The following GLMN variants were observed in gnomAD, a reference collection of about 807,000 sequenced individuals.
GLMN encodes the protein glomulin.
A neutral mutation model predicts 87.8 loss-of-function variants in GLMN; 75 were observed. The ratio of observed to expected loss-of-function variants is 0.85; its 90% confidence interval spans 0.71 to 1.04. The LOEUF is 1.04. Ranked by LOEUF, GLMN falls within the 50% of genes least tolerant of loss-of-function variation. The pLI is 0.00. For synonymous variants in GLMN, 206 were observed against 221.6 expected (o/e 0.93, Z 0.63); for missense variants, 588 against 658.8 (o/e 0.89, Z 1.18).
chr1:92,247,156 GA>G lies in GLMN; in HGVS notation c.1586-13del. 2 of 1,304,418 alleles carry G rather than the reference GA, an allele frequency of 1.5e-6. No individual in the cohort carries two copies. The highest frequency in any genetic ancestry group is 2.2e-6 in the Non-Finnish European group (2 of 900,372). 80.8% of individuals were successfully genotyped at this position (1,304,418 alleles called of 1,614,324 possible). On this transcript the variant is annotated splice_polypyrimidine_tract_variant and intron_variant, in intron 17 of 18. Transcript: ENST00000370360. ...AGATTTCTGGGCCTCTGTAAGAGAA[GA>G]AAAATCATGTGTGACACTTAACTCT... is the stretch of plus-strand genomic sequence containing the variant.
chr1:92,336,051 C>G, the GLMN span, among the ~76,000 whole-genome samples: 1 of 152,204 alleles, frequency 6.6e-6, no homozygotes, highest in South Asian at 2.1e-4. Flanking sequence ...CCATCTTGGT[C>G]TAATATTTGA....
chr1:92,272,163 G>A lies in GLMN; in HGVS notation c.736-511C>T, dbSNP rs141335453. Among the ~76,000 whole-genome samples the A allele has an allele frequency of 1.1e-4, 16 of 152,272 alleles. No individual in the cohort carries two copies. The East Asian group carries it at 1.9e-3, about 18-fold the overall frequency. ...CTTAGAGGAAATGAATTCTGCCAGC[G>A]GAGGAAACCTGAAAGTGGATCTTTC... On this transcript the variant is annotated intron_variant, in intron 7 of 18. Coordinates refer to ENST00000370360, the MANE Select transcript of GLMN (RefSeq NM_053274.3).
the GLMN span, among the ~76,000 whole-genome samples, chr1:92,344,860 A>C: frequency 2.6e-5 from 4 of 152,030 alleles, no homozygotes; most frequent in Non-Finnish European, 5.9e-5. Flanking sequence ...GTCCATTTCA[A>C]ATTTCCTCCT....
At chr1:92,368,327 C>T in the GLMN span, among the ~76,000 whole-genome samples, 2 of 151,934 alleles carry the variant, frequency 1.3e-5, no homozygotes, top group South Asian at 2.1e-4. Flanking sequence ...TGCAGTGAGC[C>T]GAGATCGTGC....
the GLMN span, among the ~76,000 whole-genome samples, chr1:92,358,677 T>C: frequency 6.6e-6 from 1 of 152,018 alleles, no homozygotes; most frequent in Non-Finnish European, 1.5e-5. Context: ...AGCCTTAATC[T>C]CCTGAGTTCA....
In GLMN at chr1:92,292,586, C is replaced by CTT. The variant is rs1161512049; in HGVS notation, c.166-1051_166-1050dup. Among the ~76,000 whole-genome samples, 252 of 125,322 alleles carry CTT rather than the reference C, an allele frequency of 2.0e-3. 1 individual carries two copies. Among genetic ancestry groups the CTT allele is most frequent in the East Asian group, 0.012 (49 of 4,180 alleles). The allele number at this position is 125,322 out of a possible 152,430, so 82.2% of individuals were successfully genotyped here. A position where few individuals can be genotyped will look rare whatever the true frequency, so the allele number is the denominator to read the frequency against. ...CCACCATGCCTGGCTAATTTTTTGC[C>CTT]TTTTTTTTTTTTTTTTTTAGTAGAG... On this transcript the variant is annotated intron_variant, in intron 3 of 18. Transcript: ENST00000370360.
intron 6 of GLMN, among the ~76,000 whole-genome samples, chr1:92,288,039 T>G (rs969506589): frequency 5.3e-5 from 8 of 149,792 alleles, no homozygotes. Context: ...TTTTACTGTT[T>G]TTTTTTTTTA....
chr1:92,363,784 C>T, the GLMN span: 20 of 289,232 alleles, frequency 6.9e-5, no homozygotes, highest in African/African-American at 3.5e-4. Flanking sequence ...AATATATTTT[C>T]TCTTCTTTAT....
At chr1:92,299,125 C>G (rs1005290515), upstream of GLMN, 1 of 1,520,992 alleles carries the variant, frequency 6.6e-7, no homozygotes, top group African/African-American at 1.4e-5. Context: ...CGGGGCTCCC[C>G]GCTGCTCTCG....
At chr1:92,249,990 G>GC (rs1000007584) in intron 16 of GLMN, among the ~76,000 whole-genome samples, 2 of 151,316 alleles carry the variant, frequency 1.3e-5, no homozygotes, top group South Asian at 2.1e-4. Flanking sequence ...TTTATTCCCT[G>GC]CCCCCCAACT....
chr1:92,293,901 C>A (rs921363471), intron 3 of GLMN, among the ~76,000 whole-genome samples: 1 of 151,252 alleles, frequency 6.6e-6, no homozygotes, highest in Non-Finnish European at 1.5e-5. Context: ...GATCTGAAAA[C>A]CAAAACAACT....
chr1:92,357,474 C>T, the GLMN span, among the ~76,000 whole-genome samples: 1 of 151,996 alleles, frequency 6.6e-6, no homozygotes, highest in African/African-American at 2.4e-5. Context: ...GTACCTATAG[C>T]GTGAAAAAAG....
chr1:92,334,631 T>A, the GLMN span, among the ~76,000 whole-genome samples: 11 of 152,114 alleles, frequency 7.2e-5, no homozygotes, highest in South Asian at 1.2e-3. Context: ...GGGGATCACC[T>A]GAAGCCAGGA....
the GLMN span, among the ~76,000 whole-genome samples, chr1:92,370,358 G>A: frequency 9.9e-5 from 15 of 152,282 alleles, no homozygotes; most frequent in East Asian, 2.3e-3. Flanking sequence ...CCAATAGGGA[G>A]TAGTCAGATG....
chr1:92,291,467 T>C lies in GLMN; in HGVS notation c.236A>G (p.Glu79Gly). Residue 79 changes from glutamate (E) to glycine (G), a missense_variant, in exon 4 of 19, where the codon GAG becomes GGG. Physicochemically the swap from Glu to Gly is moderately conservative, Grantham distance 98. Transcript: ENST00000370360. ...VVRCLLCKDKEDSKRKVYFLI... is the reference protein window; with the variant it reads ...VVRCLLCKDKGDSKRKVYFLI... ...AAAATAAACTTTTCTTTTACTATCC[T>C]CTTTATCTTTACACAAAAGGCATCG... is the stretch of plus-strand genomic sequence containing the variant. The C allele has an allele frequency of 1.2e-6, 2 of 1,601,074 alleles. No individual in the cohort carries two copies. The highest frequency in any genetic ancestry group is 2.7e-5 in the African/African-American group (2 of 74,798).
At chr1:92,251,702 C>T (rs984556716) in intron 16 of GLMN, among the ~76,000 whole-genome samples, 1 of 152,070 alleles carries the variant, frequency 6.6e-6, no homozygotes, top group African/African-American at 2.4e-5. Context: ...GAAAAACTTT[C>T]CTCTTGTAGA....
intron 7 of GLMN, among the ~76,000 whole-genome samples, chr1:92,280,201 T>TCCCA: frequency 6.6e-6 from 1 of 152,130 alleles, no homozygotes; most frequent in Non-Finnish European, 1.5e-5. Context: ...GGGAAACACC[T>TCCCA]GCCAGTAGGG....
chr1:92,294,819 C>T (rs1649833288), intron 3 of GLMN, among the ~76,000 whole-genome samples: 1 of 152,108 alleles, frequency 6.6e-6, no homozygotes, highest in Admixed American at 6.5e-5. Flanking sequence ...GCTGGGATTA[C>T]AGGGGCGCAC....
chr1:92,247,942 CT>C lies in GLMN; in HGVS notation c.1520del (p.Lys507SerfsTer5). The stretch of plus-strand genomic sequence containing the variant: ...ACATATTAAGTCCTATATGAAGTGG[CT>C]TTAAGAAATTATTCTCAATATTTCC... The part of the protein sequence containing the change: ...ELGNIENNFL[K>X]PLHIGLNMSK... On this transcript the variant is annotated frameshift_variant, in exon 17 of 19. Transcript: ENST00000370360. LOFTEE classifies it high-confidence loss of function. The C allele has an allele frequency of 7.0e-7, 1 of 1,420,992 alleles. No homozygotes were observed. The highest frequency in any genetic ancestry group is 9.9e-7 in the Non-Finnish European group (1 of 1,005,488). 88.0% of individuals were successfully genotyped at this position (1,420,992 alleles called of 1,614,324 possible). A position where few individuals can be genotyped will look rare whatever the true frequency, so the allele number is the denominator to read the frequency against.
Sources: gnomAD v4.1 joint callset for allele counts (sites outside exome capture counted in the v4.1 genomes callset) on GRCh38, gnomAD v4.1.1 for gene constraint, MANE v1.5 for transcripts, NCBI Gene and HGNC (gene_info 2026-07-23, HGNC 2026-07-21) for gene names.